SLC2A9: variants seen among roughly 807,000 people sequenced by gnomAD.
The protein encoded by SLC2A9 is solute carrier family 2 member 9.
A neutral mutation model predicts 50.6 loss-of-function variants in SLC2A9; 39 were observed. The ratio of observed to expected loss-of-function variants is 0.77; its 90% confidence interval spans 0.60 to 1.01. The LOEUF (loss-of-function observed/expected upper bound fraction) is 1.01, where lower values mean the gene tolerates loss of function less well. Among genes scored for constraint, SLC2A9 ranks in the 50% least tolerant of loss-of-function variants. The pLI is 0.00. For missense variants in SLC2A9, 686 were observed against 677.6 expected (o/e 1.01, Z -0.14); for synonymous variants, 324 against 276.9 (o/e 1.17, Z -1.69).
At chr4:9,812,765 T>C (rs947130607) in intron 3 of SLC2A9, among the ~76,000 whole-genome samples, 4 of 152,206 alleles carry the variant, frequency 2.6e-5, no homozygotes, top group African/African-American at 9.6e-5. Flanking sequence ...CCACCCACAC[T>C]TCCTGCTGAT....
chr4:9,901,448 A>C (rs2109907250), intron 8 of SLC2A9, among the ~76,000 whole-genome samples: 1 of 152,222 alleles, frequency 6.6e-6, no homozygotes, highest in Non-Finnish European at 1.5e-5. Context: ...CCTCTCTCCA[A>C]GCCTTGTGAC....
chr4:9,859,205 T>G (rs999951158), intron 10 of SLC2A9, among the ~76,000 whole-genome samples: 1 of 150,462 alleles, frequency 6.6e-6, no homozygotes, highest in Non-Finnish European at 1.5e-5. Flanking sequence ...TAAACTTGTT[T>G]TCATATATAC....
chr4:9,893,478 T>C (rs1192514255), intron 8 of SLC2A9, among the ~76,000 whole-genome samples: 1 of 150,224 alleles, frequency 6.7e-6, no homozygotes, highest in Non-Finnish European at 1.5e-5. Flanking sequence ...GGGAGGGAAG[T>C]CAGGCCCAGT....
downstream of SLC2A9, among the ~76,000 whole-genome samples, chr4:9,797,601 T>A (rs1185611446): frequency 6.6e-6 from 1 of 152,222 alleles, no homozygotes; most frequent in African/African-American, 2.4e-5. Context: ...TGAAGGAAGA[T>A]TCAAGTTATC....
intron 10 of SLC2A9, among the ~76,000 whole-genome samples, chr4:9,867,513 A>G (rs1732683504): frequency 6.6e-6 from 1 of 152,240 alleles, no homozygotes; most frequent in Non-Finnish European, 1.5e-5. Flanking sequence ...ATAATGATGA[A>G]GAAGATGATG....
chr4:10,007,140 C>A (rs924555510), intron 2 of SLC2A9, among the ~76,000 whole-genome samples: 2 of 152,218 alleles, frequency 1.3e-5, no homozygotes, highest in Non-Finnish European at 2.9e-5. Context: ...CCTGTGCCAA[C>A]GCCTGTGACT....
intron 11 of SLC2A9, among the ~76,000 whole-genome samples, chr4:9,829,734 T>C (rs2102872): frequency 0.54 from 82,612 of 151,894 alleles, 23,527 homozygotes; most frequent in Non-Finnish European, 0.63. Flanking sequence ...AAAGAAGACA[T>C]TCATATGGCC....
At chr4:9,930,500 T>C (rs1235063235) in intron 6 of SLC2A9, among the ~76,000 whole-genome samples, 1 of 152,218 alleles carries the variant, frequency 6.6e-6, no homozygotes, top group East Asian at 1.9e-4. Context: ...GCTCCTGTCC[T>C]CACAGTCCTG....
At chr4:10,005,174 A>G (rs1417625014) in intron 2 of SLC2A9, among the ~76,000 whole-genome samples, 1 of 152,242 alleles carries the variant, frequency 6.6e-6, no homozygotes, top group East Asian at 1.9e-4. Flanking sequence ...TGGAATAAAA[A>G]TGCCATGACA....
chr4:9,886,735 T>C (rs1030412692), intron 10 of SLC2A9, among the ~76,000 whole-genome samples: 1 of 152,042 alleles, frequency 6.6e-6, no homozygotes, highest in Non-Finnish European at 1.5e-5. Context: ...ATGAATATCA[T>C]CCCATGAGAG....
At chr4:9,987,768 C>T (rs1184389786) in intron 3 of SLC2A9, among the ~76,000 whole-genome samples, 1 of 151,850 alleles carries the variant, frequency 6.6e-6, no homozygotes. Context: ...GCAGAGATTG[C>T]AGTGAGCCAA....
intron 2 of SLC2A9, among the ~76,000 whole-genome samples, chr4:10,002,136 G>A (rs934030359): frequency 6.6e-6 from 1 of 152,234 alleles, no homozygotes; most frequent in Non-Finnish European, 1.5e-5. Flanking sequence ...AGTGGTGGCT[G>A]CAGCGGAGCC....
chr4:9,850,512 C>A (rs1729707379), intron 10 of SLC2A9, among the ~76,000 whole-genome samples: 1 of 152,134 alleles, frequency 6.6e-6, no homozygotes. Flanking sequence ...GGGGCCCCAG[C>A]CTGGTTGTGC....
chr4:9,990,291 T>G (rs750647864), intron 3 of SLC2A9, among the ~76,000 whole-genome samples: 1 of 151,928 alleles, frequency 6.6e-6, no homozygotes, highest in Non-Finnish European at 1.5e-5. Flanking sequence ...GATAGAAAAA[T>G]TCAAGCATCG....
At chr4:9,782,863 C>T (rs139837734) in intron 3 of SLC2A9, 2 of 1,611,710 alleles carry the variant, frequency 1.2e-6, no homozygotes, top group Middle Eastern at 1.7e-4. Context: ...GCGCAGCCTG[C>T]GCGCCCGACA....
upstream of SLC2A9, among the ~76,000 whole-genome samples, chr4:10,026,304 C>G (rs1244903603): frequency 6.6e-6 from 1 of 152,028 alleles, no homozygotes; most frequent in Non-Finnish European, 1.5e-5. Flanking sequence ...TCTCCCCGGG[C>G]TATGTACAAA....
chr4:9,996,214 T>C (rs915514391), intron 3 of SLC2A9, among the ~76,000 whole-genome samples: 14 of 152,100 alleles, frequency 9.2e-5, no homozygotes, highest in African/African-American at 3.4e-4. Context: ...AGTCAGGGAG[T>C]GTGGCTAAAT....
chr4:9,782,386 C>T (rs1718557541), intron 3 of SLC2A9: 3 of 1,613,918 alleles, frequency 1.9e-6, no homozygotes, highest in Admixed American at 1.7e-5. Context: ...GGGTGGCCTT[C>T]GACATCATGT....
chr4:9,846,138 C>T (rs922727365), intron 10 of SLC2A9, among the ~76,000 whole-genome samples: 6 of 152,274 alleles, frequency 3.9e-5, no homozygotes, highest in African/African-American at 9.6e-5. Flanking sequence ...GACTTGGCTC[C>T]GAATCCAAGA....
Sources: gnomAD v4.1 joint callset for allele counts (sites outside exome capture counted in the v4.1 genomes callset) on GRCh38, gnomAD v4.1.1 for gene constraint, MANE v1.5 for transcripts, NCBI Gene and HGNC (gene_info 2026-07-23, HGNC 2026-07-21) for gene names.